Variants in CSNK2A2IP observed in about 807,000 individuals in gnomAD.
The protein encoded by CSNK2A2IP is casein kinase II subunit alpha'-interacting protein.
At chr3:88,378,505 T>C in the CSNK2A2IP span, among the ~76,000 whole-genome samples, 1 of 152,092 alleles carries the variant, frequency 6.6e-6, no homozygotes, top group African/African-American at 2.4e-5. Flanking sequence ...CATGTGGTTA[T>C]TGAGCACTTG....
At chr3:88,407,832 T>C in the CSNK2A2IP span, among the ~76,000 whole-genome samples, 3 of 152,032 alleles carry the variant, frequency 2.0e-5, no homozygotes, top group Non-Finnish European at 4.4e-5. Flanking sequence ...CAAGTAATTC[T>C]CCCATCTCAG....
chr3:88,450,057 C>A, the CSNK2A2IP span, among the ~76,000 whole-genome samples: 3 of 151,046 alleles, frequency 2.0e-5, no homozygotes, highest in African/African-American at 7.3e-5. Flanking sequence ...TTTGTAGAGA[C>A]AGGGTTTCAT....
the CSNK2A2IP span, among the ~76,000 whole-genome samples, chr3:88,352,765 G>A: frequency 6.6e-6 from 1 of 151,934 alleles, no homozygotes; most frequent in Non-Finnish European, 1.5e-5. Flanking sequence ...TTTTAAAAAT[G>A]AAGAAATAGT....
chr3:88,451,621 T>C, the CSNK2A2IP span, among the ~76,000 whole-genome samples: 1 of 152,000 alleles, frequency 6.6e-6, no homozygotes, highest in Non-Finnish European at 1.5e-5. Context: ...GTTTCTTTTG[T>C]TGTTCCTGTA....
At chr3:88,381,274 C>T in the CSNK2A2IP span, among the ~76,000 whole-genome samples, 1 of 152,158 alleles carries the variant, frequency 6.6e-6, no homozygotes, top group African/African-American at 2.4e-5. Context: ...GAGGTCTTCT[C>T]AAAGGGCAGA....
At chr3:88,338,755 T>G in the CSNK2A2IP span, 1 of 152,170 alleles carries the variant, frequency 6.6e-6, no homozygotes, top group Non-Finnish European at 1.5e-5. Flanking sequence ...GGGCTATTTT[T>G]TTCAGTATAT....
the CSNK2A2IP span, among the ~76,000 whole-genome samples, chr3:88,385,949 A>G: frequency 2.6e-5 from 4 of 152,212 alleles, no homozygotes; most frequent in Non-Finnish European, 4.4e-5. Flanking sequence ...TGAACAAGAA[A>G]CATGAAGACT....
At chr3:88,356,417 A>G in the CSNK2A2IP span, among the ~76,000 whole-genome samples, 5 of 152,288 alleles carry the variant, frequency 3.3e-5, no homozygotes, top group East Asian at 9.6e-4. Context: ...ATGTTGCTGC[A>G]AATGACAGTA....
chr3:88,383,656 T>C, the CSNK2A2IP span, among the ~76,000 whole-genome samples: 7 of 111,362 alleles, frequency 6.3e-5, no homozygotes, highest in African/African-American at 1.6e-4. Context: ...TCTTTCTTTT[T>C]TTTTTTTTTT....
At chr3:88,342,940 A>G in the CSNK2A2IP span, among the ~76,000 whole-genome samples, 1 of 151,990 alleles carries the variant, frequency 6.6e-6, no homozygotes, top group African/African-American at 2.4e-5. Flanking sequence ...TATTACTGAG[A>G]AACTGAATTT....
At chr3:88,371,630 A>AAAT in the CSNK2A2IP span, among the ~76,000 whole-genome samples, 5 of 151,918 alleles carry the variant, frequency 3.3e-5, no homozygotes, top group Non-Finnish European at 5.9e-5. Context: ...AGGGACAGAA[A>AAAT]AATATTTCCA....
chr3:88,395,452 AC>A, the CSNK2A2IP span, among the ~76,000 whole-genome samples: 4 of 152,206 alleles, frequency 2.6e-5, no homozygotes, highest in African/African-American at 9.6e-5. Context: ...TAATGACCTT[AC>A]TACATTTGTG....
At chr3:88,450,115 C>T in the CSNK2A2IP span, among the ~76,000 whole-genome samples, 1 of 151,550 alleles carries the variant, frequency 6.6e-6, no homozygotes, top group Non-Finnish European at 1.5e-5. Flanking sequence ...GTGATCCTCC[C>T]GCCTCAGCCT....
the CSNK2A2IP span, among the ~76,000 whole-genome samples, chr3:88,448,471 C>G: frequency 6.6e-6 from 1 of 152,272 alleles, no homozygotes. Flanking sequence ...GTTGCTCTAT[C>G]AAGAGACAAG....
At chr3:88,417,871 G>C in the CSNK2A2IP span, among the ~76,000 whole-genome samples, 1 of 152,280 alleles carries the variant, frequency 6.6e-6, no homozygotes, top group East Asian at 1.9e-4. Context: ...TGACAATTCT[G>C]TATGTACATA....
the CSNK2A2IP span, among the ~76,000 whole-genome samples, chr3:88,370,611 T>C: frequency 8.9e-5 from 5 of 56,226 alleles, no homozygotes; most frequent in African/African-American, 1.6e-4. Flanking sequence ...TCTCTCTCTC[T>C]CTTTCTTTCT....
the CSNK2A2IP span, among the ~76,000 whole-genome samples, chr3:88,340,758 T>C: frequency 2.0e-5 from 3 of 152,018 alleles, no homozygotes; most frequent in Admixed American, 6.6e-5. Flanking sequence ...ATAATTCCAC[T>C]TAGTCTGGTA....
chr3:88,385,571 T>C, the CSNK2A2IP span, among the ~76,000 whole-genome samples: 1 of 152,248 alleles, frequency 6.6e-6, no homozygotes, highest in Non-Finnish European at 1.5e-5. Flanking sequence ...TGGAAGATAA[T>C]GTAGGTTCAA....
the CSNK2A2IP span, among the ~76,000 whole-genome samples, chr3:88,416,205 A>AG: frequency 1.3e-5 from 2 of 149,560 alleles, no homozygotes; most frequent in Non-Finnish European, 3.0e-5. Context: ...TGGGAGATGG[A>AG]GAGGTTGCAG....
Sources: allele counts gnomAD v4.1 joint callset (sites outside exome capture counted in the v4.1 genomes callset), GRCh38; gene constraint gnomAD v4.1.1; transcripts MANE v1.5; gene names NCBI Gene and HGNC (gene_info 2026-07-23, HGNC 2026-07-21).